RYR2: variants seen among roughly 807,000 people sequenced by gnomAD.
The protein encoded by RYR2 is cardiac muscle ryanodine receptor-calcium release channel.
A neutral mutation model predicts 601.1 loss-of-function variants in RYR2; 227 were observed. That is an observed-to-expected ratio of 0.38 (90% CI 0.34 to 0.42). The LOEUF (loss-of-function observed/expected upper bound fraction) is 0.42, where lower values mean the gene tolerates loss of function less well. Ranked by LOEUF, RYR2 falls within the 10% of genes least tolerant of loss-of-function variation. The pLI is 1.00. For synonymous variants in RYR2, 2,223 were observed against 2,175.1 expected (o/e 1.02, Z -0.61); for missense variants, 4,646 against 6,156.5 (o/e 0.75, Z 8.21).
chr1:237,114,068 G>A (rs917087453), intron 1 of RYR2, among the ~76,000 whole-genome samples: 9 of 152,208 alleles, frequency 5.9e-5, no homozygotes, highest in East Asian at 1.9e-4. Context: ...CTTTCATTTC[G>A]TGAAAATATA....
chr1:237,700,986 G>A (rs1343403384), intron 65 of RYR2, among the ~76,000 whole-genome samples: 1 of 152,106 alleles, frequency 6.6e-6, no homozygotes, highest in Non-Finnish European at 1.5e-5. Context: ...TTCTGTTTTG[G>A]GCTGGCATTC....
chr1:237,663,034 T>A (rs1683951765), intron 56 of RYR2, among the ~76,000 whole-genome samples: 1 of 152,210 alleles, frequency 6.6e-6, no homozygotes, highest in South Asian at 2.1e-4. Context: ...TATATTTGTG[T>A]TTGTAGCACT....
intron 3 of RYR2, among the ~76,000 whole-genome samples, chr1:237,345,481 T>TA (rs898741264): frequency 6.9e-5 from 10 of 144,838 alleles, no homozygotes; most frequent in African/African-American, 1.1e-4. Context: ...AAATAAAAAA[T>TA]AAAAAAAAAT....
intron 1 of RYR2, among the ~76,000 whole-genome samples, chr1:237,100,390 CCTCT>C (rs34925489): frequency 2.7e-5 from 4 of 146,110 alleles, no homozygotes; most frequent in Non-Finnish European, 6.0e-5. Flanking sequence ...TTTTTTCTTT[CCTCT>C]CTCTCTCTCT....
chr1:237,566,861 C>A, intron 28 of RYR2, 86 bp downstream of exon 28: 1 of 1,340,262 alleles, frequency 7.5e-7, no homozygotes. Context: ...TTCACAGTAC[C>A]AGTGTTTCCC....
chr1:237,496,670 T>G lies in RYR2; in HGVS notation c.2121T>G (p.Pro707=). The part of the protein sequence containing the change: ...WASTEGYSPY[P]GGGEEWGGNG... ...CCACTGAAGGATATTCTCCCTACCC[T>G]GGAGGGGGCGAAGAGTGGGGTGGAA... The change falls in exon 20 of 105, where the codon CCT becomes CCG. Residue 707 remains proline, a synonymous_variant. Transcript: ENST00000366574. 1.9e-6 allele frequency: 3 copies of G among 1,613,898 alleles called. No individual in the cohort carries two copies. The highest frequency in any genetic ancestry group is 2.5e-6 in the Non-Finnish European group (3 of 1,179,862).
At chr1:237,115,196 G>A (rs1669918760) in intron 1 of RYR2, among the ~76,000 whole-genome samples, 1 of 151,864 alleles carries the variant, frequency 6.6e-6, no homozygotes, top group Admixed American at 6.6e-5. Context: ...CCCTCCAAGA[G>A]GCCACACCCT....
At chr1:237,446,295 G>C (rs1282987844) in intron 14 of RYR2, among the ~76,000 whole-genome samples, 2 of 152,122 alleles carry the variant, frequency 1.3e-5, no homozygotes, top group Non-Finnish European at 2.9e-5. Context: ...GCTCTGACTT[G>C]CGAGAGATTG....
intron 1 of RYR2, among the ~76,000 whole-genome samples, chr1:237,208,355 T>C (rs1436924839): frequency 1.3e-5 from 2 of 152,218 alleles, no homozygotes; most frequent in Non-Finnish European, 2.9e-5. Context: ...TGTGTGGGTT[T>C]ATGTGTGTGT....
chr1:237,258,459 T>C (rs886649462), intron 1 of RYR2, among the ~76,000 whole-genome samples: 1 of 152,104 alleles, frequency 6.6e-6, no homozygotes, highest in African/African-American at 2.4e-5. Flanking sequence ...ACTGTTTGCT[T>C]GACAGTGCCA....
At chr1:237,656,939 A>G (rs1683304309) in intron 53 of RYR2, among the ~76,000 whole-genome samples, 1 of 152,218 alleles carries the variant, frequency 6.6e-6, no homozygotes, top group East Asian at 1.9e-4. Context: ...GAAGTAAGTA[A>G]ACCAAACTAT....
intron 27 of RYR2, among the ~76,000 whole-genome samples, chr1:237,562,103 A>G (rs1024683603): frequency 3.3e-5 from 5 of 152,200 alleles, no homozygotes; most frequent in African/African-American, 1.2e-4. Context: ...CTCTTAGGAG[A>G]ATGCTTACAT....
intron 1 of RYR2, among the ~76,000 whole-genome samples, chr1:237,158,887 A>G (rs936238947): frequency 3.9e-5 from 6 of 152,248 alleles, no homozygotes; most frequent in African/African-American, 1.2e-4. Flanking sequence ...GTAGCTGCTA[A>G]TAGAAAGCAA....
intron 24 of RYR2, among the ~76,000 whole-genome samples, chr1:237,528,753 C>T (rs1292646992): frequency 2.0e-5 from 3 of 152,136 alleles, no homozygotes; most frequent in Non-Finnish European, 4.4e-5. Context: ...GTGACTTTGT[C>T]TCTCGGTCTG....
rs563832108 is a variant in RYR2 at position 237,355,149 on chromosome 1, G to C, written c.274-816G>C. On this transcript the variant is annotated intron_variant, in intron 3 of 104. Coordinates refer to ENST00000366574, the MANE Select transcript of RYR2 (RefSeq NM_001035.3). ...TACAAATAAACTTTCATACATGAAG[G>C]GTGTGAAGCAAGCCACAATTCCCAC... Among the ~76,000 whole-genome samples the C allele has an allele frequency of 1.3e-3, 197 of 152,224 alleles. 3 individuals carry two copies. Among genetic ancestry groups the C allele is most frequent in the African/African-American group, 3.6e-3 (151 of 41,548 alleles).
rs766479885 is a variant in RYR2 at position 237,543,180 on chromosome 1, CTT to C, written c.2907-5250_2907-5249del. On this transcript the variant is annotated intron_variant, in intron 25 of 104. Transcript: ENST00000366574. ...ATAGCTTTTTTTTCCCTCTCTCTCT[CTT>C]GAAATGCCTCCTTCTTGAGAGCAGT... Among the ~76,000 whole-genome samples the C allele has an allele frequency of 6.6e-4, 100 of 152,226 alleles. 1 individual carries two copies. The highest frequency in any genetic ancestry group is 2.8e-4 in the Non-Finnish European group (19 of 68,018).
Position 237,338,342 on chromosome 1 carries a change from C to T in RYR2, c.273+7360C>T, listed in dbSNP as rs143364778. On this transcript the variant is annotated intron_variant, in intron 3 of 104. Transcript: ENST00000366574. ...AGATTCACATACATTTTGTATTTAA[C>T]GGGCTTCATTCTCTGAAGGTTTTCT... Among the ~76,000 whole-genome samples, 1,064 of 152,208 alleles carry T rather than the reference C, an allele frequency of 7.0e-3. 12 individuals carry two copies. The highest frequency in any genetic ancestry group is 8.5e-3 in the Non-Finnish European group (579 of 68,002).
intron 16 of RYR2, among the ~76,000 whole-genome samples, chr1:237,463,798 A>G (rs1428196355): frequency 6.6e-6 from 1 of 152,230 alleles, no homozygotes; most frequent in Non-Finnish European, 1.5e-5. Context: ...CCAAGTTGCC[A>G]TTGCACTTCG....
At chr1:237,235,932 T>C (rs556447342) in intron 1 of RYR2, among the ~76,000 whole-genome samples, 2 of 152,322 alleles carry the variant, frequency 1.3e-5, no homozygotes, top group East Asian at 3.9e-4. Flanking sequence ...TGCATACTCA[T>C]ATTGGATGAC....
Sources: gnomAD v4.1 joint callset for allele counts (sites outside exome capture counted in the v4.1 genomes callset) on GRCh38, gnomAD v4.1.1 for gene constraint, MANE v1.5 for transcripts, NCBI Gene and HGNC (gene_info 2026-07-23, HGNC 2026-07-21) for gene names.